Variants in PATE4 observed in about 807,000 individuals in gnomAD.
The protein encoded by PATE4 is prostate and testis expressed protein 4.
A neutral mutation model predicts 8.5 loss-of-function variants in PATE4; 13 were observed. The observed-to-expected ratio is 1.53, with a 90% confidence interval of 1.00 to 2.43. The LOEUF is 2.43. Among genes scored for constraint, PATE4 ranks in the 30% most tolerant of loss-of-function variants. The pLI is 0.00. For synonymous variants in PATE4, 47 were observed against 39.3 expected, an observed-to-expected ratio of 1.20 and a Z score of -0.73; for missense variants, 127 against 115.5, an observed-to-expected ratio of 1.10 and a Z score of -0.46.
chr11:125,834,818 G>C (rs1943908707), intron 1 of PATE4, among the ~76,000 whole-genome samples: 1 of 151,944 alleles, frequency 6.6e-6, no homozygotes, highest in African/African-American at 2.4e-5. Context: ...GCACTACAGT[G>C]GAATACTATA....
chr11:125,838,341 T>C lies in PATE4; in HGVS notation c.211T>C (p.Tyr71His), dbSNP rs1269706173. ...TATGTACTCAACACATATGTGTAAGTATAAGTGCCGGGAAGAGGAGTCCTC... is the reference window on the plus strand; with the variant it reads ...TATGTACTCAACACATATGTGTAAGCATAAGTGCCGGGAAGAGGAGTCCTC... ...KHMYSTHMCK[Y>H]KCREEESSKR... is the part of the protein sequence containing the mutation. The change falls in exon 3 of 3, where the codon TAT (tyrosine) becomes CAT (histidine). Residue 71 changes from tyrosine to histidine, a missense_variant. Physicochemically the swap from Tyr to His is moderately conservative, Grantham distance 83 (BLOSUM62 2). Coordinates refer to ENST00000457514, the MANE Select transcript of PATE4 (RefSeq NM_001144874.1). 1 of 1,551,102 alleles carries C rather than the reference T, an allele frequency of 6.4e-7. No individual in the cohort carries two copies. The highest frequency in any genetic ancestry group is 2.0e-5 in the Admixed American group (1 of 50,896).
At position 125,839,012 on chromosome 11, in the gene PATE4, G is replaced by C. The variant is rs932529015; in HGVS notation, c.*585G>C. ...GCCACTAGAAGCTGAAAAAGTCAAG[G>C]AAATAGGTTCTCCCCTCAGAGCCTC... On this transcript the variant is annotated 3_prime_UTR_variant, in exon 3 of 3. Coordinates refer to ENST00000457514, the MANE Select transcript of PATE4 (RefSeq NM_001144874.1). 1 of 152,256 alleles carries C rather than the reference G, an allele frequency of 6.6e-6. No homozygotes were observed. The highest frequency in any genetic ancestry group is 2.4e-5 in the African/African-American group (1 of 41,424). The allele number at this position is 152,256 out of a possible 1,614,324, so 9.4% of individuals were successfully genotyped here. A position where few individuals can be genotyped will look rare whatever the true frequency, so the allele number is the denominator to read the frequency against.
chr11:125,836,989 T>C (rs1224952735), intron 1 of PATE4, among the ~76,000 whole-genome samples: 4 of 152,206 alleles, frequency 2.6e-5, no homozygotes, highest in East Asian at 3.9e-4. Context: ...AGCAACAAGA[T>C]AGTCTTGATG....
At chr11:125,834,020 A>G (rs898958693) in intron 1 of PATE4, among the ~76,000 whole-genome samples, 2 of 152,182 alleles carry the variant, frequency 1.3e-5, no homozygotes, top group Admixed American at 1.3e-4. Flanking sequence ...AATGATTCCT[A>G]TGCTTTCTAC....
Position 125,838,545 on chromosome 11 carries a change from C to A in PATE4, c.*118C>A, listed in dbSNP as rs550640835. ...CACTGGCCTAAGATCCCAGAGAGAG[C>A]TGCAGGGGCTGTCCTCATTGCAATG... is the stretch of plus-strand genomic sequence containing the variant. On this transcript the variant is annotated 3_prime_UTR_variant, in exon 3 of 3. Coordinates refer to ENST00000457514, the MANE Select transcript of PATE4 (RefSeq NM_001144874.1). 5 of 1,255,990 alleles carry A rather than the reference C, an allele frequency of 4.0e-6. No homozygotes were observed. The highest frequency in any genetic ancestry group is 5.3e-6 in the Non-Finnish European group (5 of 943,694). The allele number at this position is 1,255,990 out of a possible 1,614,324, so 77.8% of individuals were successfully genotyped here. A position where few individuals can be genotyped will look rare whatever the true frequency, so the allele number is the denominator to read the frequency against.
chr11:125,833,985 C>T (rs1416397627), intron 1 of PATE4, among the ~76,000 whole-genome samples: 2 of 152,136 alleles, frequency 1.3e-5, no homozygotes, highest in Admixed American at 6.6e-5. Flanking sequence ...TCTCCCTCTC[C>T]CTTAACACTC....
rs1943932798 is a variant in PATE4, at chr11:125,838,030, T to A, written c.175+46T>A. 9 of 1,386,178 alleles carry A rather than the reference T, an allele frequency of 6.5e-6. No homozygotes were observed. In the South Asian group the frequency reaches 1.0e-4, roughly 15 times the overall value. The allele number at this position is 1,386,178 out of a possible 1,614,324, so 85.9% of individuals were successfully genotyped here. On this transcript the variant is annotated intron_variant, in intron 2 of 2. Transcript: ENST00000457514. ...CTCCAAAATTGCCTGCAAAGAACCA[T>A]CACTCTTGCTAGTGCCTGGAATAAA... is the stretch of plus-strand genomic sequence containing the variant.
intron 1 of PATE4, among the ~76,000 whole-genome samples, chr11:125,837,376 A>G (rs1943928271): frequency 6.6e-6 from 1 of 152,092 alleles, no homozygotes; most frequent in Non-Finnish European, 1.5e-5. Context: ...CACTCTAAAC[A>G]TGCCGTTTTC....
Position 125,838,518 on chromosome 11 carries a change from C to T in PATE4, c.*91C>T. The T allele has an allele frequency of 7.1e-7, 1 of 1,417,732 alleles. No individual in the cohort carries two copies. The highest frequency in any genetic ancestry group is 2.6e-5 in the Admixed American group (1 of 37,952). The allele number at this position is 1,417,732 out of a possible 1,614,324, so 87.8% of individuals were successfully genotyped here. On this transcript the variant is annotated 3_prime_UTR_variant, in exon 3 of 3. Transcript: ENST00000457514. ...CTGTTTTATTTCCCACACCAAATTC[C>T]ACACTGGCCTAAGATCCCAGAGAGA...
chr11:125,838,363 C>T lies in PATE4; in HGVS notation c.233C>T (p.Ser78Phe). 1 of 1,551,388 alleles carries T rather than the reference C, an allele frequency of 6.4e-7. No homozygotes were observed. Residue 78 changes from serine (S) to phenylalanine (F), a missense_variant, in exon 3 of 3, where the codon TCC becomes TTC. Coordinates refer to ENST00000457514, the MANE Select transcript of PATE4 (RefSeq NM_001144874.1). ...MCKYKCREEESSKRGLLRVTL... is the reference protein window; with the variant it reads ...MCKYKCREEEFSKRGLLRVTL... ...AAGTATAAGTGCCGGGAAGAGGAGT[C>T]CTCCAAAAGAGGCCTGTTGAGAGTG...
At chr11:125,838,106 G>A in intron 2 of PATE4, 122 bp downstream of exon 2, 12 of 1,002,332 alleles carry the variant, frequency 1.2e-5, no homozygotes, top group South Asian at 7.9e-5. Flanking sequence ...GAATAAAAGA[G>A]GGGGCAAGAA....
chr11:125,837,735 G>A (rs984326466), intron 1 of PATE4, 133 bp from the exon 2 acceptor site: 4 of 593,006 alleles, frequency 6.7e-6, no homozygotes, highest in Non-Finnish European at 1.2e-5. Context: ...AAATTAATCA[G>A]GAATTCCACA....
intron 1 of PATE4, among the ~76,000 whole-genome samples, chr11:125,836,118 C>G (rs1943917797): frequency 8.3e-6 from 1 of 119,980 alleles, no homozygotes; most frequent in African/African-American, 3.2e-5. Context: ...AAAGTGATGG[C>G]AAGACTTTTT....
At chr11:125,836,809 T>C (rs974806909) in intron 1 of PATE4, among the ~76,000 whole-genome samples, 4 of 152,142 alleles carry the variant, frequency 2.6e-5, no homozygotes, top group African/African-American at 9.7e-5. Flanking sequence ...GTCCAGAATG[T>C]GGAACATGCT....
In PATE4 at chr11:125,839,058, A is replaced by C. The variant is rs1009443814; in HGVS notation, c.*631A>C. 7.9e-5 allele frequency: 12 copies of C among 152,200 alleles called. No individual in the cohort carries two copies. The highest frequency in any genetic ancestry group is 2.9e-4 in the African/African-American group (12 of 41,442). 9.4% of individuals were successfully genotyped at this position (152,200 alleles called of 1,614,324 possible). A position where few individuals can be genotyped will look rare whatever the true frequency, so the allele number is the denominator to read the frequency against. On this transcript the variant is annotated 3_prime_UTR_variant, in exon 3 of 3. Coordinates refer to ENST00000457514, the MANE Select transcript of PATE4 (RefSeq NM_001144874.1). ...GCCTCCAGAAACCAGCCCTGCTGAC[A>C]CCTTGATTTAAGCCCTGTAAGACTC...
chr11:125,833,849 C>T (rs779376820), intron 1 of PATE4, among the ~76,000 whole-genome samples: 54 of 152,270 alleles, frequency 3.5e-4, no homozygotes, highest in Non-Finnish European at 2.9e-4. Flanking sequence ...AACTTACCCA[C>T]TTCCATGGCT....
chr11:125,835,666 T>G (rs1266571474), intron 1 of PATE4: 2 of 152,118 alleles, frequency 1.3e-5, no homozygotes, highest in African/African-American at 2.4e-5. Flanking sequence ...GAAAATGAGT[T>G]CTCCTGGCTC....
At chr11:125,838,160 C>A (rs2134201627) in intron 2 of PATE4, 146 bp from the exon 3 acceptor site, 1 of 1,053,116 alleles carries the variant, frequency 9.5e-7, no homozygotes, top group Non-Finnish European at 1.3e-6. Flanking sequence ...GTATCCAGAG[C>A]CAGTTACGGT....
At position 125,838,315 on chromosome 11, in the gene PATE4, A is replaced by G. The variant is rs533969016; in HGVS notation, c.185A>G (p.His62Arg). Residue 62 changes from histidine to arginine, a missense_variant, in exon 3 of 3, where the codon CAT becomes CGT. His to Arg is a conservative substitution (Grantham distance 29). Transcript: ENST00000457514. ...STTAYFRGDK[H>R]MYSTHMCKYK... is the part of the protein sequence containing the mutation. ...GCTTCTTCATTTTCAGGAGACAAAC[A>G]TATGTACTCAACACATATGTGTAAG... 2.6e-6 allele frequency: 4 copies of G among 1,544,218 alleles called. No individual in the cohort carries two copies. The highest frequency in any genetic ancestry group is 3.5e-6 in the Non-Finnish European group (4 of 1,144,760).
Sources: allele counts gnomAD v4.1 joint callset (sites outside exome capture counted in the v4.1 genomes callset), GRCh38; gene constraint gnomAD v4.1.1; transcripts MANE v1.5; gene names NCBI Gene and HGNC (gene_info 2026-07-23, HGNC 2026-07-21).